CORIN: variants seen among roughly 807,000 people sequenced by gnomAD.
CORIN encodes corin, serine peptidase, also known as atrial natriuretic peptide-converting enzyme.
CORIN carries 117 observed loss-of-function variants against 125.3 expected under a neutral mutation model. That is an observed-to-expected ratio of 0.93 (90% CI 0.80 to 1.09). The LOEUF (loss-of-function observed/expected upper bound fraction) is 1.09. CORIN is among the 50% of genes least tolerant of loss of function. The pLI, the probability that CORIN is intolerant of heterozygous loss-of-function variation, is 0.00. For synonymous variants in CORIN, 450 were observed against 466.4 expected, an observed-to-expected ratio of 0.96 and a Z score of 0.45; for missense variants, 1,253 against 1,306.7, an observed-to-expected ratio of 0.96 and a Z score of 0.63.
intron 5 of CORIN, among the ~76,000 whole-genome samples, chr4:47,741,993 T>C (rs1728416981): frequency 6.6e-6 from 1 of 152,022 alleles, no homozygotes; most frequent in Admixed American, 6.5e-5. Context: ...TTATGATGGT[T>C]GTACAATTCT....
At chr4:47,677,454 A>G (rs1341942975) in intron 9 of CORIN, among the ~76,000 whole-genome samples, 3 of 152,228 alleles carry the variant, frequency 2.0e-5, no homozygotes, top group African/African-American at 7.2e-5. Context: ...TACATTTAAA[A>G]AACAATTTAT....
intron 20 of CORIN, among the ~76,000 whole-genome samples, chr4:47,602,998 A>G (rs1381419581): frequency 6.6e-6 from 1 of 151,788 alleles, no homozygotes; most frequent in Non-Finnish European, 1.5e-5. Flanking sequence ...GAGGAACACA[A>G]TGTTTCTCAG....
intron 1 of CORIN, among the ~76,000 whole-genome samples, chr4:47,825,697 CTTTTTT>C (rs759495221): frequency 7.4e-6 from 1 of 134,794 alleles, no homozygotes; most frequent in Non-Finnish European, 1.6e-5. Flanking sequence ...CAAACCACTG[CTTTTTT>C]TTTTTTTTTT....
intron 5 of CORIN, among the ~76,000 whole-genome samples, chr4:47,696,669 A>G (rs1193114768): frequency 1.3e-5 from 2 of 152,170 alleles, no homozygotes; most frequent in Non-Finnish European, 2.9e-5. Context: ...ACAATTATGG[A>G]TCCCCTGGAC....
Position 47,623,592 on chromosome 4 carries a change from G to C in CORIN, c.2519C>G (p.Thr840Arg). The change falls in exon 19 of 22, where the codon ACA becomes AGA. Residue 840 changes from threonine (T) to arginine (R), a missense_variant. Physicochemically the swap from Thr to Arg is moderately conservative, Grantham distance 71. Coordinates refer to ENST00000273857, the MANE Select transcript of CORIN (RefSeq NM_006587.4). ...TTACCCCTCGAAGCAGTGGGCAACT[G>C]TCAGAACCCACTTCTTGGCAATGAG... ...CVLIAKKWVL[T>R]VAHCFEGREN... The C allele has an allele frequency of 1.2e-6, 2 of 1,614,146 alleles. No individual in the cohort carries two copies. Among genetic ancestry groups the C allele is most frequent in the Admixed American group, 1.7e-5 (1 of 60,014 alleles).
intron 13 of CORIN, among the ~76,000 whole-genome samples, chr4:47,651,280 C>T (rs4618284): frequency 0.14 from 20,936 of 152,252 alleles, 1,943 homozygotes; most frequent in East Asian, 0.47. Context: ...AATAACACAA[C>T]GGACAGAATA....
At chr4:47,643,321 T>G in intron 14 of CORIN, 65 bp from the exon 15 acceptor site, 1 of 1,423,428 alleles carries the variant, frequency 7.0e-7, no homozygotes, top group Non-Finnish European at 9.6e-7. Flanking sequence ...ATCACTAACA[T>G]GCATATCTTC....
intron 2 of CORIN, among the ~76,000 whole-genome samples, chr4:47,805,009 G>A (rs1205547706): frequency 2.6e-5 from 4 of 151,134 alleles, no homozygotes; most frequent in Non-Finnish European, 4.4e-5. Flanking sequence ...GGTGGCGGGC[G>A]CCTGTAGTCC....
At chr4:47,718,716 A>G (rs1560518345) in intron 5 of CORIN, among the ~76,000 whole-genome samples, 1 of 152,298 alleles carries the variant, frequency 6.6e-6, no homozygotes, top group East Asian at 1.9e-4. Context: ...CTCCCTTCCA[A>G]TTCTGAATTC....
intron 5 of CORIN, among the ~76,000 whole-genome samples, chr4:47,714,525 C>T (rs760157291): frequency 6.6e-5 from 10 of 152,170 alleles, no homozygotes; most frequent in Non-Finnish European, 1.5e-4. Context: ...ACTGGAACTA[C>T]GATTTTCTAA....
intron 5 of CORIN, among the ~76,000 whole-genome samples, chr4:47,717,959 C>T (rs924315191): frequency 1.3e-5 from 2 of 151,762 alleles, no homozygotes; most frequent in Non-Finnish European, 2.9e-5. Flanking sequence ...AAACTGGCAA[C>T]GAGAGGTGAG....
chr4:47,631,999 T>G (rs567866373), intron 16 of CORIN, among the ~76,000 whole-genome samples: 2 of 152,320 alleles, frequency 1.3e-5, no homozygotes, highest in South Asian at 4.1e-4. Context: ...ATTAAATATT[T>G]CAAGGCTTAG....
intron 2 of CORIN, among the ~76,000 whole-genome samples, chr4:47,798,338 A>T (rs1169567821): frequency 1.3e-5 from 2 of 152,172 alleles, no homozygotes; most frequent in Non-Finnish European, 2.9e-5. Flanking sequence ...TATCTTTTCT[A>T]ATCAATAATC....
At chr4:47,750,627 T>G (rs1160960524) in intron 4 of CORIN, among the ~76,000 whole-genome samples, 1 of 152,130 alleles carries the variant, frequency 6.6e-6, no homozygotes, top group Non-Finnish European at 1.5e-5. Context: ...GAGAGAGTTG[T>G]ATGGGGAAGG....
At chr4:47,606,423 A>AT (rs952687481) in intron 19 of CORIN, among the ~76,000 whole-genome samples, 39 of 151,966 alleles carry the variant, frequency 2.6e-4, no homozygotes, top group African/African-American at 8.2e-4. Context: ...ATCTGACTAA[A>AT]TTTTTTTGGA....
chr4:47,606,240 T>A (rs563670702), intron 19 of CORIN, among the ~76,000 whole-genome samples: 1 of 152,124 alleles, frequency 6.6e-6, no homozygotes, highest in Non-Finnish European at 1.5e-5. Context: ...AAGATAATGT[T>A]ACAGAATAAT....
intron 1 of CORIN, among the ~76,000 whole-genome samples, chr4:47,817,674 A>C (rs1732334632): frequency 6.6e-6 from 1 of 152,242 alleles, no homozygotes; most frequent in African/African-American, 2.4e-5. Context: ...TAAAATAAGT[A>C]TTAAACTGAA....
At chr4:47,655,482 C>T (rs1723930650) in intron 12 of CORIN, among the ~76,000 whole-genome samples, 1 of 151,972 alleles carries the variant, frequency 6.6e-6, no homozygotes, top group South Asian at 2.1e-4. Context: ...GCAGCATTCA[C>T]CACAGACTGA....
At chr4:47,805,157 T>C (rs200932182) in intron 2 of CORIN, among the ~76,000 whole-genome samples, 4 of 146,650 alleles carry the variant, frequency 2.7e-5, no homozygotes, top group Admixed American at 6.8e-5. Context: ...AAAATAATAA[T>C]AATAATAATA....
Sources: allele counts gnomAD v4.1 joint callset (sites outside exome capture counted in the v4.1 genomes callset), GRCh38; gene constraint gnomAD v4.1.1; transcripts MANE v1.5; gene names NCBI Gene and HGNC (gene_info 2026-07-23, HGNC 2026-07-21).